TADA2A: variants seen among roughly 807,000 people sequenced by gnomAD.
TADA2A encodes the protein transcriptional adaptor 2A, also known as transcriptional adapter 2-alpha.
Under a neutral mutation model 67.4 loss-of-function variants are expected in TADA2A, and 38 were observed. The ratio of observed to expected loss-of-function variants is 0.56; its 90% CI spans 0.44 to 0.74. The LOEUF is 0.74. Ranked by LOEUF, TADA2A falls within the 30% of genes least tolerant of loss-of-function variation. The pLI, the probability that TADA2A is intolerant of heterozygous loss-of-function variation, is 0.00. For missense variants in TADA2A, 454 were observed against 547.0 expected (o/e 0.83, Z 1.70); for synonymous variants, 192 against 181.6 (o/e 1.06, Z -0.46).
rs1309043066 is a variant in TADA2A at position 37,468,048 on chromosome 17, C to T, written c.895+523C>T. Among the ~76,000 whole-genome samples, 5 of 151,436 alleles carry T rather than the reference C, an allele frequency of 3.3e-5. No homozygotes were observed. The East Asian group carries it at 7.7e-4, about 23-fold the overall frequency. On this transcript the variant is annotated intron_variant, in intron 12 of 15. Coordinates refer to ENST00000615182, the MANE Select transcript of TADA2A (RefSeq NM_001166105.3). ...AGTGAGCCAAGATGGTGCCACTGTACTCCAGCCTGGGTGGCAGAGGGAGAT... is the reference window on the plus strand; with the variant it reads ...AGTGAGCCAAGATGGTGCCACTGTATTCCAGCCTGGGTGGCAGAGGGAGAT...
At chr17:37,439,204 G>A (rs1416337171) in intron 5 of TADA2A, among the ~76,000 whole-genome samples, 1 of 151,956 alleles carries the variant, frequency 6.6e-6, no homozygotes, top group Non-Finnish European at 1.5e-5. Context: ...TGGGCTCAAG[G>A]GATCTTCCCT....
intron 15 of TADA2A, 85 bp downstream of exon 15, chr17:37,474,714 A>T: frequency 4.2e-6 from 6 of 1,418,804 alleles, no homozygotes; most frequent in Non-Finnish European, 5.8e-6. Flanking sequence ...ACAGGGTCAA[A>T]CCCCTTTTGT....
At chr17:37,417,955 G>A (rs940288323) in intron 2 of TADA2A, among the ~76,000 whole-genome samples, 2 of 152,140 alleles carry the variant, frequency 1.3e-5, no homozygotes, top group African/African-American at 4.8e-5. Flanking sequence ...ATTTCAATAT[G>A]TTTAGACATA....
chr17:37,409,767 C>CAA (rs71135718), intron 1 of TADA2A, among the ~76,000 whole-genome samples: 8,933 of 141,868 alleles, frequency 0.063, 292 homozygotes, highest in Middle Eastern at 0.099. Flanking sequence ...GACTTAGTCT[C>CAA]AAAAAAAAAC....
intron 2 of TADA2A, among the ~76,000 whole-genome samples, chr17:37,419,744 C>G (rs1286173488): frequency 1.4e-5 from 2 of 139,168 alleles, no homozygotes; most frequent in Non-Finnish European, 3.1e-5. Context: ...AGCCATTGCA[C>G]TGCAGCCTGG....
Position 37,449,286 on chromosome 17 carries a change from G to T in TADA2A, c.604+4518G>T, listed in dbSNP as rs573049487. Among the ~76,000 whole-genome samples the T allele has an allele frequency of 2.6e-5, 4 of 152,330 alleles. No homozygotes were observed. In the South Asian group the frequency reaches 6.2e-4, roughly 24 times the overall value. On this transcript the variant is annotated intron_variant, in intron 8 of 15. Transcript: ENST00000615182. ...TCCACCCGCCTCAGCCTCCCAAAGT[G>T]CTGGGATTACAGGCGTGAGCCACCG... is the stretch of plus-strand genomic sequence containing the variant.
At chr17:37,410,980 A>G (rs535670799) in intron 1 of TADA2A, among the ~76,000 whole-genome samples, 9 of 152,204 alleles carry the variant, frequency 5.9e-5, no homozygotes, top group Non-Finnish European at 1.2e-4. Flanking sequence ...ATAGACCCAG[A>G]TCCTTCCTCA....
At chr17:37,475,475 CTATTTTT>C (rs1416970225) in intron 15 of TADA2A, among the ~76,000 whole-genome samples, 6 of 150,582 alleles carry the variant, frequency 4.0e-5, no homozygotes, top group Non-Finnish European at 5.9e-5. Flanking sequence ...CTCACCCGGC[CTATTTTT>C]TATTTTTTAT....
At chr17:37,407,101 G>A (rs1254737947) in intron 1 of TADA2A, 152 bp downstream of exon 1, 2 of 147,226 alleles carry the variant, frequency 1.4e-5, no homozygotes, top group Non-Finnish European at 3.0e-5. Flanking sequence ...GCGGCAGGCT[G>A]GCGGGCCGGC....
intron 8 of TADA2A, among the ~76,000 whole-genome samples, 172 bp from the exon 9 acceptor site, chr17:37,458,352 A>T (rs2053451466): frequency 6.6e-6 from 1 of 152,182 alleles, no homozygotes; most frequent in African/African-American, 2.4e-5. Context: ...TTATTGATAG[A>T]CAAATTCTTT....
intron 2 of TADA2A, among the ~76,000 whole-genome samples, chr17:37,417,659 C>T (rs532304332): frequency 2.0e-5 from 3 of 151,956 alleles, no homozygotes; most frequent in East Asian, 2.0e-4. Context: ...CACAGCCTCC[C>T]GAGTAGCTAG....
In TADA2A at chr17:37,465,484, C is replaced by T. The variant is rs761618764; in HGVS notation, c.766C>T (p.Arg256Ter). Residue 256 changes from arginine to a stop codon, truncating the protein, a stop_gained, in exon 11 of 16, where the codon CGA becomes TGA. Coordinates refer to ENST00000615182, the MANE Select transcript of TADA2A (RefSeq NM_001166105.3). LOFTEE classifies it high-confidence loss of function. ...CCAGGACCTGTATGAAACAATGAGG[C>T]GATTTGCAAGAATTGTGGGGCCAGT... The part of the protein sequence containing the change: ...EVQDLYETMR[R>*]FARIVGPVEH... The T allele has an allele frequency of 3.1e-6, 5 of 1,613,760 alleles. No individual in the cohort carries two copies. Among genetic ancestry groups the T allele is most frequent in the Non-Finnish European group, 4.2e-6 (5 of 1,180,010 alleles).
chr17:37,412,027 A>G (rs986029994), intron 2 of TADA2A, among the ~76,000 whole-genome samples: 2 of 150,724 alleles, frequency 1.3e-5, no homozygotes, highest in Non-Finnish European at 3.0e-5. Context: ...TGGCTAACAC[A>G]GTGAAATCCC....
At chr17:37,423,416 T>G in intron 2 of TADA2A, 93 bp from the exon 3 acceptor site, 2 of 972,960 alleles carry the variant, frequency 2.1e-6, no homozygotes, top group Non-Finnish European at 3.1e-6. Flanking sequence ...CTTAGCTCAC[T>G]ACTTGTGTGG....
At chr17:37,470,353 G>C in intron 12 of TADA2A, 47 bp from the exon 13 acceptor site, 3 of 1,611,380 alleles carry the variant, frequency 1.9e-6, no homozygotes, top group Non-Finnish European at 1.7e-6. Context: ...AAGCCCTTCA[G>C]TTCTGCTGCA....
At chr17:37,415,056 C>T (rs2051997660) in intron 2 of TADA2A, among the ~76,000 whole-genome samples, 1 of 152,224 alleles carries the variant, frequency 6.6e-6, no homozygotes, top group Non-Finnish European at 1.5e-5. Context: ...CCACACCTGG[C>T]TAATTTTTGT....
intron 4 of TADA2A, among the ~76,000 whole-genome samples, chr17:37,434,675 A>G (rs2052669512): frequency 6.6e-6 from 1 of 152,182 alleles, no homozygotes; most frequent in Non-Finnish European, 1.5e-5. Flanking sequence ...TCTATCACTC[A>G]TTTTAATTTA....
At chr17:37,443,695 T>A (rs1413031651) in intron 7 of TADA2A, among the ~76,000 whole-genome samples, 14 of 152,194 alleles carry the variant, frequency 9.2e-5, no homozygotes, top group Non-Finnish European at 1.5e-5. Context: ...CTATACTTTG[T>A]CATTATTGTG....
chr17:37,424,591 T>C (rs1490273121), intron 3 of TADA2A, among the ~76,000 whole-genome samples: 1 of 152,108 alleles, frequency 6.6e-6, no homozygotes, highest in Non-Finnish European at 1.5e-5. Flanking sequence ...AGTTTCGCTA[T>C]TGTTTTCCAG....
Sources: allele counts gnomAD v4.1 joint callset (sites outside exome capture counted in the v4.1 genomes callset), GRCh38; gene constraint gnomAD v4.1.1; transcripts MANE v1.5; gene names NCBI Gene and HGNC (gene_info 2026-07-23, HGNC 2026-07-21).